Variants in ROPN1B observed in about 807,000 individuals in gnomAD.
The protein encoded by ROPN1B is rhophilin associated tail protein 1B, also known as ropporin-1B.
In ROPN1B, 13 loss-of-function variants were observed where a neutral mutation model predicts 23.7. That is an observed-to-expected ratio of 0.55 (90% CI 0.36 to 0.87). The LOEUF (loss-of-function observed/expected upper bound fraction) is 0.87, where lower values mean the gene tolerates loss of function less well. ROPN1B is among the 40% of genes least tolerant of loss of function. The probability of loss-of-function intolerance (pLI) is 0.01; values close to 1 mark genes in which losing one functional copy is unlikely to be tolerated. For missense variants in ROPN1B, 183 were observed against 249.2 expected, an observed-to-expected ratio of 0.73 and a Z score of 1.79; for synonymous variants, 67 against 100.4, an observed-to-expected ratio of 0.67 and a Z score of 1.99.
chr3:125,973,406 A>G (rs1938287830), intron 3 of ROPN1B: 1 of 197,486 alleles, frequency 5.1e-6, no homozygotes, highest in Non-Finnish European at 1.1e-5. Context: ...TGCTTTGCCT[A>G]GTAATAAGCC....
At chr3:125,969,652 G>A (rs577753236) in intron 1 of ROPN1B, 2 of 149,652 alleles carry the variant, frequency 1.3e-5, no homozygotes, top group South Asian at 4.2e-4. Context: ...TTACCCGGAG[G>A]ACAGTGGTTG....
chr3:125,975,161 G>A (rs144709201), intron 3 of ROPN1B, among the ~76,000 whole-genome samples: 9 of 152,030 alleles, frequency 5.9e-5, no homozygotes, highest in East Asian at 3.9e-4. Flanking sequence ...CCTTTCTTAC[G>A]TACATTACTT....
chr3:125,973,580 A>C (rs540339054), intron 3 of ROPN1B: 35 of 161,500 alleles, frequency 2.2e-4, no homozygotes, highest in African/African-American at 6.7e-4. Flanking sequence ...AGTAAGCAAA[A>C]TGACATTGCT....
chr3:125,972,266 T>G (rs1559782431), intron 3 of ROPN1B, 96 bp downstream of exon 3: 1 of 1,156,056 alleles, frequency 8.7e-7, no homozygotes, highest in Admixed American at 1.9e-5. Context: ...AGCCAGGGGG[T>G]CGGGACTAAC....
At position 125,969,392 on chromosome 3, in the gene ROPN1B, G is replaced by A. The variant is rs1224564584; in HGVS notation, c.-67G>A. 1.5e-5 allele frequency: 1 copy of A among 67,782 alleles called. No individual in the cohort carries two copies. Among genetic ancestry groups the A allele is most frequent in the Middle Eastern group, 5.4e-3 (1 of 184 alleles). The allele number at this position is 67,782 out of a possible 1,614,324, so 4.2% of individuals were successfully genotyped here. On this transcript the variant is annotated 5_prime_UTR_variant, in exon 1 of 7. Transcript: ENST00000514116. ...GAAGCCAGACAGCCGGTTTGGGAGC[G>A]AGCCTGAGGTAGCCACCCCGAGGGG... is the stretch of plus-strand genomic sequence containing the variant.
Position 125,972,127 on chromosome 3 carries a change from G to A in ROPN1B, c.73G>A (p.Ala25Thr), listed in dbSNP as rs201357418. 1 of 1,614,212 alleles carries A rather than the reference G, an allele frequency of 6.2e-7. No homozygotes were observed. Among genetic ancestry groups the A allele is most frequent in the Admixed American group, 1.7e-5 (1 of 60,030 alleles). The change falls in exon 3 of 7, where the codon GCC becomes ACC. Residue 25 changes from alanine to threonine, a missense_variant. Physicochemically the swap from Ala to Thr is moderately conservative, Grantham distance 58. Transcript: ENST00000514116. Reference protein sequence around the residue: ...PKMLKEFAKAAIRAQPQDLIQ... With the variant: ...PKMLKEFAKATIRAQPQDLIQ... ...AATGCTGAAGGAGTTTGCCAAAGCCGCCATTCGGGCGCAGCCGCAGGACCT... is the reference window on the plus strand; with the variant it reads ...AATGCTGAAGGAGTTTGCCAAAGCCACCATTCGGGCGCAGCCGCAGGACCT...
chr3:125,983,256 T>C lies in ROPN1B; in HGVS notation c.575T>C (p.Ile192Thr), dbSNP rs552696492. The C allele has an allele frequency of 1.9e-6, 3 of 1,610,934 alleles. No homozygotes were observed. Among genetic ancestry groups the C allele is most frequent in the African/African-American group, 1.3e-5 (1 of 74,956 alleles). ...RMLNYIEQEVIGPDGLITVND... is the reference protein window; with the variant it reads ...RMLNYIEQEVTGPDGLITVND... ...CAGATATACCTTTATCCAAACAGAA[T>C]TGGTCCTGATGGTTTAATCACGGTG... Residue 192 changes from isoleucine to threonine, a missense_variant and splice_region_variant, in exon 7 of 7, where the codon ATT becomes ACT. By Grantham distance (89) the Ile-to-Thr change is moderately conservative. This residue lies in a region of ROPN1B where 80 missense variants were observed against 98.0 expected (regional missense o/e 0.82). Transcript: ENST00000514116.
At chr3:125,972,226 C>G (rs752276278) in intron 3 of ROPN1B, 56 bp downstream of exon 3, 4 of 1,573,130 alleles carry the variant, frequency 2.5e-6, no homozygotes, top group Non-Finnish European at 3.5e-6. Flanking sequence ...AGAGAGGGTC[C>G]TGTAAAACCG....
At position 125,974,250 on chromosome 3, in the gene ROPN1B, C is replaced by T. The variant is rs144591013; in HGVS notation, c.117-1313C>T. Among the ~76,000 whole-genome samples the T allele has an allele frequency of 2.5e-3, 383 of 152,306 alleles. 1 individual carries two copies. The highest frequency in any genetic ancestry group is 7.7e-3 in the East Asian group (40 of 5,180). On this transcript the variant is annotated intron_variant, in intron 3 of 6. Transcript: ENST00000514116. ...AGTCCACACCCTGCTCCTGTTGTCACAGTGCACCCACACCCCGCCCACCCC... is the reference window on the plus strand; with the variant it reads ...AGTCCACACCCTGCTCCTGTTGTCATAGTGCACCCACACCCCGCCCACCCC...
At chr3:125,979,294 T>C (rs1938529070) in intron 5 of ROPN1B, among the ~76,000 whole-genome samples, 1 of 152,198 alleles carries the variant, frequency 6.6e-6, no homozygotes, top group Non-Finnish European at 1.5e-5. Flanking sequence ...TGCTGGACTG[T>C]TTCTGGGATC....
chr3:125,975,981 G>A lies in ROPN1B; in HGVS notation c.234+301G>A, dbSNP rs1222762359. 5.5e-5 allele frequency among the ~76,000 whole-genome samples: 8 copies of A among 146,416 alleles called. No individual in the cohort carries two copies. In the South Asian group the frequency reaches 9.1e-4, roughly 17 times the overall value. On this transcript the variant is annotated intron_variant, in intron 4 of 6. Coordinates refer to ENST00000514116, the MANE Select transcript of ROPN1B (RefSeq NM_001308313.2). The stretch of plus-strand genomic sequence containing the variant: ...GAAAAGTGCAGGTCCTCAGTCACTC[G>A]ACAGTGTCTCCTTACTGATCAAGAC...
chr3:125,972,391 C>T (rs1423773647), intron 3 of ROPN1B: 3 of 586,566 alleles, frequency 5.1e-6, no homozygotes, highest in South Asian at 2.2e-5. Flanking sequence ...CCAGATTGAG[C>T]AGTAGGACGC....
At chr3:125,974,577 T>G (rs1042006392) in intron 3 of ROPN1B, among the ~76,000 whole-genome samples, 10 of 152,200 alleles carry the variant, frequency 6.6e-5, no homozygotes, top group Non-Finnish European at 1.5e-4. Context: ...TAACCAGGCT[T>G]TTGATGGAGA....
At chr3:125,980,510 T>C (rs550028482) in intron 5 of ROPN1B, among the ~76,000 whole-genome samples, 38 of 152,228 alleles carry the variant, frequency 2.5e-4, no homozygotes, top group African/African-American at 8.2e-4. Context: ...TGTGTCCCTC[T>C]GTGCCTACAT....
intron 4 of ROPN1B, chr3:125,976,718 G>A: frequency 1.7e-6 from 1 of 603,764 alleles, no homozygotes; most frequent in Non-Finnish European, 3.0e-6. Context: ...GAATACAATA[G>A]CAGATAAAAG....
chr3:125,982,614 G>T (rs1334219707), intron 6 of ROPN1B, among the ~76,000 whole-genome samples, 169 bp downstream of exon 6: 1 of 152,208 alleles, frequency 6.6e-6, no homozygotes, highest in Non-Finnish European at 1.5e-5. Context: ...GGAAGGAAAA[G>T]AATGATATAG....
chr3:125,974,302 T>C (rs1255375764), intron 3 of ROPN1B, among the ~76,000 whole-genome samples: 1 of 151,352 alleles, frequency 6.6e-6, no homozygotes, highest in Non-Finnish European at 1.5e-5. Flanking sequence ...CAGAGATTTC[T>C]CAAGCACATT....
intron 5 of ROPN1B, chr3:125,977,705 A>G (rs144459808): frequency 6.1e-6 from 1 of 163,756 alleles, no homozygotes; most frequent in African/African-American, 2.4e-5. Flanking sequence ...GCCTTTTCCA[A>G]ATTTGACTTG....
At chr3:125,971,224 C>T (rs1938191753) in intron 2 of ROPN1B, 62 bp downstream of exon 2, 1 of 152,306 alleles carries the variant, frequency 6.6e-6, no homozygotes, top group Non-Finnish European at 1.5e-5. Context: ...CCTCATTGGC[C>T]ACTGGAAGAT....
Sources: allele counts gnomAD v4.1 joint callset (sites outside exome capture counted in the v4.1 genomes callset), GRCh38; gene constraint gnomAD v4.1.1; regional missense constraint gnomAD v4.1.1; transcripts MANE v1.5; gene names NCBI Gene and HGNC (gene_info 2026-07-23, HGNC 2026-07-21).